The following SPATA2L variants were observed in gnomAD, a reference collection of about 807,000 sequenced individuals.
SPATA2L encodes the protein spermatogenesis associated 2 like, also known as spermatogenesis-associated protein 2-like protein.
SPATA2L carries 5 observed loss-of-function variants against 8.7 expected under a neutral mutation model. The observed-to-expected ratio is 0.57, with a 90% CI of 0.30 to 1.21. The LOEUF is 1.21. SPATA2L is among the 50% of genes most tolerant of loss of function. The probability of loss-of-function intolerance (pLI) is 0.07; values close to 1 mark genes in which losing one functional copy is unlikely to be tolerated. For synonymous variants in SPATA2L, 358 were observed against 275.8 expected (o/e 1.30, Z -2.95); for missense variants, 671 against 591.0 (o/e 1.14, Z -1.40).
At chr16:89,698,552 C>T (rs2060753923) in intron 2 of SPATA2L, among the ~76,000 whole-genome samples, 1 of 124,830 alleles carries the variant, frequency 8.0e-6, no homozygotes, top group South Asian at 2.8e-4. Flanking sequence ...GTGGCTCCAT[C>T]TCAGCTCACT....
Position 89,700,912 on chromosome 16 carries a change from T to G in SPATA2L, c.303+18A>C. 7.0e-7 allele frequency: 1 copy of G among 1,430,642 alleles called. No individual in the cohort carries two copies. Among genetic ancestry groups the G allele is most frequent in the Non-Finnish European group, 9.2e-7 (1 of 1,088,202 alleles). 88.6% of individuals were successfully genotyped at this position (1,430,642 alleles called of 1,614,324 possible). ...CAGGCCAGGACGAGGGGCGCGCTCC[T>G]CCTGGCCTGGCGCCTACCTTGATGG... On this transcript the variant is annotated intron_variant, in intron 2 of 2. Coordinates refer to ENST00000289805, the MANE Select transcript of SPATA2L (RefSeq NM_152339.4).
At position 89,697,757 on chromosome 16, in the gene SPATA2L, C is replaced by T; in HGVS notation, c.852G>A (p.Glu284=). The change falls in exon 3 of 3, where the codon GAG becomes GAA. Residue 284 remains glutamate (E), a synonymous_variant. Coordinates refer to ENST00000289805, the MANE Select transcript of SPATA2L (RefSeq NM_152339.4). ...GGRAWEPPAE[E]LPQASSPPYG... ...ATGGTGGGCTGCTGGCCTGCGGCAG[C>T]TCCTCAGCTGGGGGCTCCCAGGCCC... The T allele has an allele frequency of 6.2e-7, 1 of 1,603,616 alleles. No homozygotes were observed. The highest frequency in any genetic ancestry group is 8.5e-7 in the Non-Finnish European group (1 of 1,175,902).
chr16:89,698,646 C>G (rs1167196969), intron 2 of SPATA2L, among the ~76,000 whole-genome samples: 1 of 151,624 alleles, frequency 6.6e-6, no homozygotes, highest in Non-Finnish European at 1.5e-5. Flanking sequence ...ACCACCACAC[C>G]CGGCTAATTT....
chr16:89,700,060 C>T (rs550801287), intron 2 of SPATA2L, among the ~76,000 whole-genome samples: 2 of 152,346 alleles, frequency 1.3e-5, no homozygotes, highest in African/African-American at 4.8e-5. Flanking sequence ...GGACTGTTCC[C>T]GTGTCGCTGT....
In SPATA2L at chr16:89,698,050, G is replaced by A. The variant is rs1273195262; in HGVS notation, c.559C>T (p.Arg187Cys). 4.4e-6 allele frequency: 7 copies of A among 1,596,994 alleles called. No homozygotes were observed. Among genetic ancestry groups the A allele is most frequent in the Non-Finnish European group, 6.0e-6 (7 of 1,175,314 alleles). ...CAGGAGGCCACGTCCCCGCTGGCAC[G>A]CCGTGCCTGCAGCAGCTCCTCAGCT... is the stretch of plus-strand genomic sequence containing the variant. ...LPAEELLQARRASGDVASCVA... is the reference protein window; with the variant it reads ...LPAEELLQARCASGDVASCVA... Residue 187 changes from arginine (R) to cysteine (C), a missense_variant, in exon 3 of 3, where the codon CGT becomes TGT. Arg to Cys is a radical substitution (Grantham distance 180). Coordinates refer to ENST00000289805, the MANE Select transcript of SPATA2L (RefSeq NM_152339.4).
Position 89,697,259 on chromosome 16 carries a change from C to T in SPATA2L, c.*75G>A, listed in dbSNP as rs1293399401. 2.7e-5 allele frequency: 39 copies of T among 1,435,922 alleles called. No individual in the cohort carries two copies. The highest frequency in any genetic ancestry group is 3.5e-5 in the Non-Finnish European group (38 of 1,099,490). 88.9% of individuals were successfully genotyped at this position (1,435,922 alleles called of 1,614,324 possible). ...CCCCAGGGACAAGGCAACCAGAGGC[C>T]CAGACCCCTCCCCAGCAAAGAGAAG... On this transcript the variant is annotated 3_prime_UTR_variant, in exon 3 of 3. Transcript: ENST00000289805.
At chr16:89,698,365 A>G (rs2060752040) in intron 2 of SPATA2L, 60 bp from the exon 3 acceptor site, 1 of 1,497,702 alleles carries the variant, frequency 6.7e-7, no homozygotes, top group East Asian at 2.3e-5. Flanking sequence ...ACCCTAGGGT[A>G]CAGTGGGTCC....
chr16:89,696,680 G>T lies in SPATA2L; in HGVS notation c.*654C>A. The stretch of plus-strand genomic sequence containing the variant: ...TTCCGCCCAGCAGCAGTGACGCTCA[G>T]GGCCTTCCCAGCTGTCAGCCACTGC... On this transcript the variant is annotated 3_prime_UTR_variant, in exon 3 of 3. Coordinates refer to ENST00000289805, the MANE Select transcript of SPATA2L (RefSeq NM_152339.4). The T allele has an allele frequency of 8.5e-7, 1 of 1,177,022 alleles. No homozygotes were observed. 72.9% of individuals were successfully genotyped at this position (1,177,022 alleles called of 1,614,324 possible).
In SPATA2L at chr16:89,698,017, A is replaced by G. The variant is rs2060747861; in HGVS notation, c.592T>C (p.Trp198Arg). The change falls in exon 3 of 3, where the codon TGG becomes CGG. Residue 198 changes from tryptophan (W) to arginine (R), a missense_variant. Coordinates refer to ENST00000289805, the MANE Select transcript of SPATA2L (RefSeq NM_152339.4). The stretch of plus-strand genomic sequence containing the variant: ...TCCTGGGCCAGCCGCTGCTGCAGCC[A>G]GGCCACACAGGAGGCCACGTCCCCG... ...ASGDVASCVAWLQQRLAQDEE... is the reference protein window; with the variant it reads ...ASGDVASCVARLQQRLAQDEE... 1 of 1,600,092 alleles carries G rather than the reference A, an allele frequency of 6.2e-7. No individual in the cohort carries two copies. The highest frequency in any genetic ancestry group is 1.1e-5 in the South Asian group (1 of 90,790).
chr16:89,697,964 T>C lies in SPATA2L; in HGVS notation c.645A>G (p.Arg215=), dbSNP rs1180508716. ...QDEEPPPLPP[R]GSPAAYRAPL... ...GGGCCCTGTAAGCAGCAGGGGAGCC[T>C]CGGGGGGGCAGGGGTGGCGGCTCCT... The change falls in exon 3 of 3, where the codon CGA becomes CGG. Residue 215 remains arginine (R), a synonymous_variant. Transcript: ENST00000289805. 4 of 1,605,174 alleles carry C rather than the reference T, an allele frequency of 2.5e-6. No homozygotes were observed. In the Admixed American group the frequency reaches 6.7e-5, roughly 27 times the overall value.
rs775390812 is a variant in SPATA2L at position 89,697,719 on chromosome 16, T to C, written c.890A>G (p.Glu297Gly). Residue 297 changes from glutamate to glycine, a missense_variant, in exon 3 of 3, where the codon GAG becomes GGG. Physicochemically the swap from Glu to Gly is moderately conservative, Grantham distance 98. Coordinates refer to ENST00000289805, the MANE Select transcript of SPATA2L (RefSeq NM_152339.4). ...QASSPPYGAL[E>G]EGLEPEPSAF... ...GGAAGGTTCAGGTTCCAGCCCCTCC[T>C]CCAAGGCCCCATATGGTGGGCTGCT... 6.2e-7 allele frequency: 1 copy of C among 1,611,260 alleles called. No individual in the cohort carries two copies. The highest frequency in any genetic ancestry group is 8.5e-7 in the Non-Finnish European group (1 of 1,179,082).
chr16:89,697,731 T>C lies in SPATA2L; in HGVS notation c.878A>G (p.Tyr293Cys), dbSNP rs773652436. 1.1e-5 allele frequency: 18 copies of C among 1,609,398 alleles called. No homozygotes were observed. Among genetic ancestry groups the C allele is most frequent in the Admixed American group, 5.0e-5 (3 of 59,542 alleles). ...TTCCAGCCCCTCCTCCAAGGCCCCA[T>C]ATGGTGGGCTGCTGGCCTGCGGCAG... is the stretch of plus-strand genomic sequence containing the variant. The part of the protein sequence containing the change: ...EELPQASSPP[Y>C]GALEEGLEPE... The change falls in exon 3 of 3, where the codon TAT becomes TGT. Residue 293 changes from tyrosine to cysteine, a missense_variant. Coordinates refer to ENST00000289805, the MANE Select transcript of SPATA2L (RefSeq NM_152339.4).
chr16:89,696,751 G>C lies in SPATA2L; in HGVS notation c.*583C>G, dbSNP rs956397466. On this transcript the variant is annotated 3_prime_UTR_variant, in exon 3 of 3. Coordinates refer to ENST00000289805, the MANE Select transcript of SPATA2L (RefSeq NM_152339.4). ...CACCTCCACATCTGGTTTGAGGTCA[G>C]GTCATTTCCTGTCTGTGGGCCCAGC... The C allele has an allele frequency of 4.6e-6, 7 of 1,520,652 alleles. No individual in the cohort carries two copies. The Admixed American group carries it at 5.9e-5, about 13-fold the overall frequency. 94.2% of individuals were successfully genotyped at this position (1,520,652 alleles called of 1,614,324 possible). A position where few individuals can be genotyped will look rare whatever the true frequency, so the allele number is the denominator to read the frequency against.
chr16:89,698,410 T>C, intron 2 of SPATA2L, 105 bp from the exon 3 acceptor site: 1 of 1,299,298 alleles, frequency 7.7e-7, no homozygotes, highest in South Asian at 1.8e-5. Flanking sequence ...CAGCTTCTGA[T>C]GCTCAGACCC....
chr16:89,696,825 C>A lies in SPATA2L; in HGVS notation c.*509G>T. ...CCGGCGTCCCCGAAGCCAGGTCAGC[C>A]GTGCACCCGGCAGAGCCCCGCAGAT... On this transcript the variant is annotated 3_prime_UTR_variant, in exon 3 of 3. Coordinates refer to ENST00000289805, the MANE Select transcript of SPATA2L (RefSeq NM_152339.4). 1 of 1,535,118 alleles carries A rather than the reference C, an allele frequency of 6.5e-7. No individual in the cohort carries two copies. Among genetic ancestry groups the A allele is most frequent in the South Asian group, 1.2e-5 (1 of 83,820 alleles).
In SPATA2L at chr16:89,697,345, C is replaced by T. The variant is rs777780640; in HGVS notation, c.1264G>A (p.Ala422Thr). The T allele has an allele frequency of 6.6e-7, 1 of 1,519,214 alleles. No individual in the cohort carries two copies. The highest frequency in any genetic ancestry group is 8.8e-7 in the Non-Finnish European group (1 of 1,132,960). The allele number at this position is 1,519,214 out of a possible 1,614,324, so 94.1% of individuals were successfully genotyped here. ...GGGGCCCAGCTGGCCTAGGGCCGGG[C>T]CCCGGGGCTGTTGTAGAGCAGAGTG... ...MDTLLYNSPGARP is the reference protein window; with the variant it reads ...MDTLLYNSPGTRP The change falls in exon 3 of 3, where the codon GCC (alanine) becomes ACC (threonine). Residue 422 changes from alanine (A) to threonine (T), a missense_variant. Coordinates refer to ENST00000289805, the MANE Select transcript of SPATA2L (RefSeq NM_152339.4).
At position 89,697,437 on chromosome 16, in the gene SPATA2L, C is replaced by T. The variant is rs1373947815; in HGVS notation, c.1172G>A (p.Gly391Asp). The T allele has an allele frequency of 1.2e-6, 2 of 1,606,468 alleles. No individual in the cohort carries two copies. The highest frequency in any genetic ancestry group is 1.1e-5 in the South Asian group (1 of 90,680). ...HCAALPACRP[G>D]HSLRVLLGDA... ...GCCAAGCAGCACACGCAGCGAGTGG[C>T]CTGGACGGCAGGCGGGCAGGGCTGC... The change falls in exon 3 of 3, where the codon GGC (glycine) becomes GAC (aspartate). Residue 391 changes from glycine to aspartate, a missense_variant. Transcript: ENST00000289805.
At position 89,697,578 on chromosome 16, in the gene SPATA2L, G is replaced by A. The variant is rs978676823; in HGVS notation, c.1031C>T (p.Ser344Leu). The A allele has an allele frequency of 6.3e-7, 1 of 1,599,332 alleles. No homozygotes were observed. Among genetic ancestry groups the A allele is most frequent in the Non-Finnish European group, 8.5e-7 (1 of 1,176,000 alleles). ...GGGCTCCGAGACAGACCTATAGGCT[G>A]AGGCTGGTACCCCCTCTGCCCGAAT... ...RRIRAEGVPA[S>L]AYRSVSEPPG... Residue 344 changes from serine to leucine, a missense_variant, in exon 3 of 3, where the codon TCA becomes TTA. Transcript: ENST00000289805.
chr16:89,699,639 C>T (rs945511206), intron 2 of SPATA2L, among the ~76,000 whole-genome samples: 2 of 152,054 alleles, frequency 1.3e-5, no homozygotes, highest in African/African-American at 4.8e-5. Context: ...CAACCTCCAC[C>T]TCCCAGGTTC....
Sources: gnomAD v4.1 joint callset for allele counts (sites outside exome capture counted in the v4.1 genomes callset) on GRCh38, gnomAD v4.1.1 for gene constraint, MANE v1.5 for transcripts, NCBI Gene and HGNC (gene_info 2026-07-23, HGNC 2026-07-21) for gene names.